Variants in CAB39 observed in about 807,000 individuals in gnomAD.
CAB39 encodes calcium-binding protein 39.
CAB39 carries 8 observed loss-of-function variants against 40.0 expected under a neutral mutation model. The ratio of observed to expected loss-of-function variants is 0.20; its 90% CI spans 0.12 to 0.36. The LOEUF is 0.36. CAB39 is among the 10% of genes least tolerant of loss of function. The pLI is 1.00. For synonymous variants in CAB39, 156 were observed against 141.6 expected, an observed-to-expected ratio of 1.10 and a Z score of -0.72; for missense variants, 270 against 401.1, an observed-to-expected ratio of 0.67 and a Z score of 2.79.
intron 5 of CAB39, among the ~76,000 whole-genome samples, chr2:230,801,185 C>T (rs886774902): frequency 6.6e-6 from 1 of 152,190 alleles, no homozygotes; most frequent in African/African-American, 2.4e-5. Flanking sequence ...GCAGAGTCTA[C>T]AGCCAAGACA....
rs1696475674 is a variant in CAB39, at chr2:230,819,815, C to G, written c.*1111C>G. 6.6e-6 allele frequency: 1 copy of G among 152,412 alleles called. No homozygotes were observed. The highest frequency in any genetic ancestry group is 2.4e-5 in the African/African-American group (1 of 41,438). 9.4% of individuals were successfully genotyped at this position (152,412 alleles called of 1,614,324 possible). A position where few individuals can be genotyped will look rare whatever the true frequency, so the allele number is the denominator to read the frequency against. Reference sequence around the variant, plus strand: ...AAATGAGTTAATGAATCTGCCAGATCTGTGAATGATAGAGATTATGCTAAA... The same window carrying G: ...AAATGAGTTAATGAATCTGCCAGATGTGTGAATGATAGAGATTATGCTAAA... On this transcript the variant is annotated 3_prime_UTR_variant, in exon 9 of 9. Transcript: ENST00000258418.
intron 6 of CAB39, among the ~76,000 whole-genome samples, chr2:230,810,939 C>T (rs1184618427): frequency 6.6e-6 from 1 of 152,306 alleles, no homozygotes; most frequent in South Asian, 2.1e-4. Flanking sequence ...TGCTTGATAG[C>T]TTGATTTCCC....
At chr2:230,817,940 TTCG>T in intron 8 of CAB39, 43 bp downstream of exon 8, 3 of 1,546,600 alleles carry the variant, frequency 1.9e-6, no homozygotes, top group Non-Finnish European at 2.6e-6. Flanking sequence ...ACTGGAATTG[TTCG>T]TCGTCTTTCA....
intron 5 of CAB39, among the ~76,000 whole-genome samples, chr2:230,805,236 A>G (rs1575959357): frequency 8.1e-6 from 1 of 123,188 alleles, no homozygotes; most frequent in African/African-American, 3.1e-5. Flanking sequence ...AACATCAAAC[A>G]CCGGGGCCTG....
chr2:230,781,843 C>A (rs1485370094), intron 2 of CAB39, among the ~76,000 whole-genome samples: 1 of 152,170 alleles, frequency 6.6e-6, no homozygotes, highest in Non-Finnish European at 1.5e-5. Flanking sequence ...TAAACAAGAA[C>A]AACCAAGGTT....
At chr2:230,755,215 A>G (rs1275386194) in intron 1 of CAB39, among the ~76,000 whole-genome samples, 1 of 152,212 alleles carries the variant, frequency 6.6e-6, no homozygotes, top group East Asian at 1.9e-4. Context: ...GAATCACCAC[A>G]TTGTTTTCCA....
At chr2:230,743,266 G>C (rs1052093991) in intron 1 of CAB39, among the ~76,000 whole-genome samples, 1 of 152,114 alleles carries the variant, frequency 6.6e-6, no homozygotes, top group African/African-American at 2.4e-5. Context: ...CTACGACAAA[G>C]TAAGGCCGGC....
chr2:230,801,147 AAG>A (rs2124969286), intron 5 of CAB39, among the ~76,000 whole-genome samples: 1 of 152,298 alleles, frequency 6.6e-6, no homozygotes, highest in South Asian at 2.1e-4. Context: ...GGCCCCCCAA[AAG>A]AGGGTTCTCC....
At chr2:230,724,613 G>A (rs1037580627) in intron 1 of CAB39, among the ~76,000 whole-genome samples, 7 of 151,274 alleles carry the variant, frequency 4.6e-5, no homozygotes, top group African/African-American at 1.2e-4. Flanking sequence ...CCCTGGAGGC[G>A]GAGGTTGCGG....
intron 2 of CAB39, among the ~76,000 whole-genome samples, chr2:230,782,805 CTTTCTTTCTTT>C (rs1475180466): frequency 1.4e-3 from 154 of 108,428 alleles, no homozygotes; most frequent in African/African-American, 8.1e-3. Context: ...TTCTTTCTTT[CTTTCTTTCTTT>C]TTTTTTTTTT....
At chr2:230,749,232 A>G (rs1695042925) in intron 1 of CAB39, among the ~76,000 whole-genome samples, 1 of 151,934 alleles carries the variant, frequency 6.6e-6, no homozygotes, top group Non-Finnish European at 1.5e-5. Flanking sequence ...TTTATGCTCA[A>G]ATTCTACCAT....
intron 2 of CAB39, among the ~76,000 whole-genome samples, chr2:230,763,358 G>A (rs775343280): frequency 4.6e-5 from 7 of 152,098 alleles, no homozygotes; most frequent in South Asian, 2.1e-4. Flanking sequence ...CTGGGAGGCC[G>A]AGGTGGGTGG....
At chr2:230,810,974 GCTGC>G (rs1309282205) in intron 6 of CAB39, among the ~76,000 whole-genome samples, 2 of 152,158 alleles carry the variant, frequency 1.3e-5, no homozygotes, top group African/African-American at 4.8e-5. Context: ...TGCCTCTAGG[GCTGC>G]CATGTGAAAT....
intron 5 of CAB39, among the ~76,000 whole-genome samples, chr2:230,806,099 CAAT>C (rs1194686170): frequency 6.6e-6 from 1 of 151,984 alleles, no homozygotes; most frequent in Non-Finnish European, 1.5e-5. Flanking sequence ...AGGAATAACA[CAAT>C]AATAATAAAT....
rs376754395 is a variant in CAB39 at position 230,804,108 on chromosome 2, A to G, written c.567+5211A>G. Among the ~76,000 whole-genome samples the G allele has an allele frequency of 3.3e-5, 5 of 152,342 alleles. No individual in the cohort carries two copies. The East Asian group carries it at 7.7e-4, about 23-fold the overall frequency. ...GAAATAACACCGCACACCTACAACC[A>G]TCTGATCTTTGACAAACCTGACAAA... On this transcript the variant is annotated intron_variant, in intron 5 of 8. Transcript: ENST00000258418.
At chr2:230,759,850 T>C (rs1695258266) in intron 1 of CAB39, 109 bp from the exon 2 acceptor site, 1 of 497,236 alleles carries the variant, frequency 2.0e-6, no homozygotes. Context: ...TTGAAAGTTA[T>C]GTAAAATGAC....
chr2:230,751,917 TG>T (rs1181146942), intron 1 of CAB39, among the ~76,000 whole-genome samples: 1 of 152,042 alleles, frequency 6.6e-6, no homozygotes, highest in African/African-American at 2.4e-5. Flanking sequence ...AATCCTTTAA[TG>T]TTTGAATTTT....
At chr2:230,812,006 G>A (rs1696313932) in intron 6 of CAB39, among the ~76,000 whole-genome samples, 2 of 152,320 alleles carry the variant, frequency 1.3e-5, no homozygotes, top group Non-Finnish European at 1.5e-5. Context: ...GAAGCAGTGG[G>A]GGATGTGGGT....
intron 1 of CAB39, among the ~76,000 whole-genome samples, chr2:230,734,359 A>G (rs1179713141): frequency 6.6e-6 from 1 of 152,084 alleles, no homozygotes; most frequent in Non-Finnish European, 1.5e-5. Context: ...GTATCATGGA[A>G]CTTCAGCCTT....
Sources: gnomAD v4.1 joint callset for allele counts (sites outside exome capture counted in the v4.1 genomes callset) on GRCh38, gnomAD v4.1.1 for gene constraint, MANE v1.5 for transcripts, NCBI Gene and HGNC (gene_info 2026-07-23, HGNC 2026-07-21) for gene names.